The following TTC28 variants were observed in gnomAD, a reference collection of about 807,000 sequenced individuals.
TTC28 encodes the protein tetratricopeptide repeat protein 28.
In TTC28, 61 loss-of-function variants were observed where a neutral mutation model predicts 198.0. That is an observed-to-expected ratio of 0.31 (90% CI 0.25 to 0.38). The LOEUF (loss-of-function observed/expected upper bound fraction) is 0.38, where lower values mean the gene tolerates loss of function less well. Among genes scored for constraint, TTC28 ranks in the 10% least tolerant of loss-of-function variants. The pLI, the probability that TTC28 is intolerant of heterozygous loss-of-function variation, is 1.00. For synonymous variants in TTC28, 1,171 were observed against 1,297.8 expected, an observed-to-expected ratio of 0.90 and a Z score of 2.10; for missense variants, 2,678 against 3,164.0, an observed-to-expected ratio of 0.85 and a Z score of 3.69.
At chr22:28,599,276 C>T (rs1465086245) in intron 2 of TTC28, among the ~76,000 whole-genome samples, 1 of 152,162 alleles carries the variant, frequency 6.6e-6, no homozygotes, top group African/African-American at 2.4e-5. Context: ...GTAGGAAGGA[C>T]GGTTTTATTA....
intron 2 of TTC28, among the ~76,000 whole-genome samples, chr22:28,518,299 T>C (rs192288448): frequency 6.6e-6 from 1 of 152,166 alleles, no homozygotes; most frequent in Non-Finnish European, 1.5e-5. Context: ...AAATCACAGA[T>C]GATAGACTTA....
At chr22:28,495,239 G>A (rs1168463948) in intron 2 of TTC28, among the ~76,000 whole-genome samples, 1 of 152,088 alleles carries the variant, frequency 6.6e-6, no homozygotes, top group East Asian at 1.9e-4. Context: ...TAAGTAACCT[G>A]CACAAATGAT....
chr22:28,157,448 C>T (rs970859971), intron 6 of TTC28, among the ~76,000 whole-genome samples: 8 of 152,134 alleles, frequency 5.3e-5, no homozygotes, highest in African/African-American at 1.2e-4. Flanking sequence ...TTCTATGAGG[C>T]CAGTATTACC....
chr22:28,123,393 C>G (rs1406709744), intron 6 of TTC28, among the ~76,000 whole-genome samples: 1 of 151,988 alleles, frequency 6.6e-6, no homozygotes, highest in Non-Finnish European at 1.5e-5. Context: ...GTAGCTGGGA[C>G]TACAAGCGCA....
At chr22:28,183,108 G>A (rs1198397686) in intron 5 of TTC28, among the ~76,000 whole-genome samples, 2 of 151,504 alleles carry the variant, frequency 1.3e-5, no homozygotes, top group Admixed American at 6.6e-5. Context: ...ACCCAGGCTG[G>A]AGTACAGGGA....
intron 2 of TTC28, among the ~76,000 whole-genome samples, chr22:28,581,647 C>T (rs2050235295): frequency 6.6e-6 from 1 of 152,158 alleles, no homozygotes; most frequent in Non-Finnish European, 1.5e-5. Flanking sequence ...CTACAGATAT[C>T]ATTGCAAGAA....
At chr22:28,425,047 AG>A (rs2047326329) in intron 2 of TTC28, among the ~76,000 whole-genome samples, 1 of 152,232 alleles carries the variant, frequency 6.6e-6, no homozygotes, top group South Asian at 2.1e-4. Flanking sequence ...ATATAAATAA[AG>A]ATCCAATCCT....
At chr22:28,045,886 T>C (rs994114740) in intron 12 of TTC28, among the ~76,000 whole-genome samples, 3 of 152,118 alleles carry the variant, frequency 2.0e-5, no homozygotes, top group African/African-American at 7.2e-5. Flanking sequence ...ATCACTTGAA[T>C]GCAGGAGGCG....
chr22:28,120,591 A>C (rs1448588497), intron 6 of TTC28, among the ~76,000 whole-genome samples: 1 of 152,188 alleles, frequency 6.6e-6, no homozygotes, highest in Non-Finnish European at 1.5e-5. Context: ...GGTGAAGACA[A>C]AGCCCATCCT....
At chr22:28,349,126 C>T (rs2045952259) in intron 2 of TTC28, among the ~76,000 whole-genome samples, 1 of 152,102 alleles carries the variant, frequency 6.6e-6, no homozygotes, top group Non-Finnish European at 1.5e-5. Flanking sequence ...AAAAGCAGAG[C>T]AGAAGGTAAT....
chr22:28,407,636 C>T (rs1288654869), intron 2 of TTC28, among the ~76,000 whole-genome samples: 1 of 152,140 alleles, frequency 6.6e-6, no homozygotes, highest in African/African-American at 2.4e-5. Flanking sequence ...GAGCACTAAT[C>T]TTATTTTATA....
At chr22:28,505,421 G>T (rs1449342359) in intron 2 of TTC28, among the ~76,000 whole-genome samples, 1 of 152,104 alleles carries the variant, frequency 6.6e-6, no homozygotes, top group Non-Finnish European at 1.5e-5. Flanking sequence ...AACTGTCTAG[G>T]CAACAACAAC....
intron 2 of TTC28, among the ~76,000 whole-genome samples, chr22:28,482,617 G>T (rs1299082745): frequency 6.6e-6 from 1 of 152,130 alleles, no homozygotes; most frequent in Admixed American, 6.5e-5. Context: ...GTGAACAACT[G>T]AATGGCAGTT....
chr22:28,010,778 A>C (rs900712542), intron 14 of TTC28, among the ~76,000 whole-genome samples: 3 of 152,190 alleles, frequency 2.0e-5, no homozygotes, highest in African/African-American at 7.2e-5. Context: ...GAGAGCCCCC[A>C]GGTTCAACCC....
At chr22:28,582,628 AAC>A (rs1293750181) in intron 2 of TTC28, among the ~76,000 whole-genome samples, 1 of 152,184 alleles carries the variant, frequency 6.6e-6, no homozygotes. Flanking sequence ...AAATCCATTA[AAC>A]AGTTTTATGT....
rs1187470836 is a variant in TTC28, at chr22:28,463,747, C to G, written c.382-157104G>C. ...TGGACACAGGAAGGGGAACATCACA[C>G]ACCGGGGCCTGTTGTGGGGTAGGGG... On this transcript the variant is annotated intron_variant, in intron 2 of 22. Coordinates refer to ENST00000397906, the MANE Select transcript of TTC28 (RefSeq NM_001145418.2). 2.0e-5 allele frequency among the ~76,000 whole-genome samples: 3 copies of G among 151,468 alleles called. No homozygotes were observed. The East Asian group carries it at 5.8e-4, about 30-fold the overall frequency.
rs1937485749 is a variant in TTC28, at chr22:27,993,412, A to T, written c.5351T>A (p.Leu1784His). The T allele has an allele frequency of 6.4e-7, 1 of 1,551,298 alleles. No homozygotes were observed. The highest frequency in any genetic ancestry group is 8.7e-7 in the Non-Finnish European group (1 of 1,147,004). The part of the protein sequence containing the change: ...KVGGIPGWQA[L>H]LTAVGFRLDP... ...CAGCCGGAAGCCCACAGCGGTGAGG[A>T]GGGCCTGCCAGCCAGGGATGCCGCC... Residue 1784 changes from leucine (L) to histidine (H), a missense_variant, in exon 18 of 23, where the codon CTC becomes CAC. By Grantham distance (99) the Leu-to-His change is moderately conservative. This residue lies in a region of TTC28 where 314 missense variants were observed against 442.7 expected (regional missense o/e 0.71). Coordinates refer to ENST00000397906, the MANE Select transcript of TTC28 (RefSeq NM_001145418.2).
At chr22:28,628,176 A>G (rs2051108687) in intron 2 of TTC28, among the ~76,000 whole-genome samples, 1 of 151,966 alleles carries the variant, frequency 6.6e-6, no homozygotes, top group South Asian at 2.1e-4. Flanking sequence ...GATTATAGGC[A>G]TGAGCCACCA....
At chr22:28,299,552 A>C (rs2044974256) in intron 3 of TTC28, among the ~76,000 whole-genome samples, 1 of 152,322 alleles carries the variant, frequency 6.6e-6, no homozygotes, top group African/African-American at 2.4e-5. Flanking sequence ...AGGCACAAGA[A>C]CCCAGGAATT....
Sources: allele counts gnomAD v4.1 joint callset (sites outside exome capture counted in the v4.1 genomes callset), GRCh38; gene constraint gnomAD v4.1.1; regional missense constraint gnomAD v4.1.1; transcripts MANE v1.5; gene names NCBI Gene and HGNC (gene_info 2026-07-23, HGNC 2026-07-21).